LANCL2: variants seen among roughly 807,000 people sequenced by gnomAD.
The protein encoded by LANCL2 is lanC-like protein 2.
LANCL2 carries 33 observed loss-of-function variants against 56.9 expected under a neutral mutation model. The observed-to-expected ratio is 0.58, with a 90% CI of 0.44 to 0.78. The LOEUF (loss-of-function observed/expected upper bound fraction) is 0.78. LANCL2 is among the 30% of genes least tolerant of loss of function. The probability of loss-of-function intolerance (pLI) is 0.00; values close to 1 mark genes in which losing one functional copy is unlikely to be tolerated. For missense variants in LANCL2, 562 were observed against 580.2 expected, an observed-to-expected ratio of 0.97 and a Z score of 0.32; for synonymous variants, 233 against 228.2, an observed-to-expected ratio of 1.02 and a Z score of -0.19.
At chr7:55,398,909 C>T (rs574213237) in intron 3 of LANCL2, among the ~76,000 whole-genome samples, 1 of 152,282 alleles carries the variant, frequency 6.6e-6, no homozygotes, top group South Asian at 2.1e-4. Flanking sequence ...AGCTTACCTG[C>T]TTTAGATTCA....
chr7:55,371,992 T>C (rs1287050423), intron 1 of LANCL2, among the ~76,000 whole-genome samples: 7 of 152,136 alleles, frequency 4.6e-5, no homozygotes, highest in African/African-American at 1.7e-4. Context: ...ACCTAAATCA[T>C]AAGCAGTTCC....
At chr7:55,428,307 C>A in intron 7 of LANCL2, 68 bp from the exon 8 acceptor site, 2 of 1,364,442 alleles carry the variant, frequency 1.5e-6, no homozygotes, top group Admixed American at 1.7e-5. Flanking sequence ...GAAGACATTG[C>A]ATTCTCATTT....
chr7:55,381,934 C>G (rs770128446), intron 1 of LANCL2, among the ~76,000 whole-genome samples: 1 of 152,194 alleles, frequency 6.6e-6, no homozygotes, highest in Non-Finnish European at 1.5e-5. Context: ...CTGGTGCCTT[C>G]TCCAGGCTGA....
chr7:55,390,588 G>C (rs539817157), intron 1 of LANCL2, among the ~76,000 whole-genome samples: 1 of 151,730 alleles, frequency 6.6e-6, no homozygotes, highest in African/African-American at 2.4e-5. Flanking sequence ...CCTGGGTGAC[G>C]AGCGAAACTC....
At chr7:55,417,800 TC>T (rs34825574) in intron 6 of LANCL2, among the ~76,000 whole-genome samples, 50,882 of 151,866 alleles carry the variant, frequency 0.34, 9,117 homozygotes, top group East Asian at 0.52. Context: ...TGCCTCAGCC[TC>T]CTGAGTAGCT....
chr7:55,419,559 G>A (rs1157906474), intron 6 of LANCL2, among the ~76,000 whole-genome samples: 1 of 151,714 alleles, frequency 6.6e-6, no homozygotes, highest in Non-Finnish European at 1.5e-5. Context: ...GAGGTACCAC[G>A]CCTGACTAAT....
chr7:55,418,363 A>G (rs1790568941), intron 6 of LANCL2, among the ~76,000 whole-genome samples: 1 of 151,534 alleles, frequency 6.6e-6, no homozygotes, highest in Non-Finnish European at 1.5e-5. Flanking sequence ...ATTTTTTTGT[A>G]GAGATGGGGT....
chr7:55,425,200 CA>C, intron 6 of LANCL2, 53 bp from the exon 7 acceptor site: 1 of 1,561,950 alleles, frequency 6.4e-7, no homozygotes, highest in East Asian at 2.3e-5. Flanking sequence ...AGTATTTTGC[CA>C]ACTCATCGTT....
chr7:55,369,827 CATGAG>C (rs1789923028), intron 1 of LANCL2, among the ~76,000 whole-genome samples: 1 of 152,118 alleles, frequency 6.6e-6, no homozygotes, highest in African/African-American at 2.4e-5. Flanking sequence ...GAGATTGTCT[CATGAG>C]AAGGAAAGAG....
At chr7:55,423,323 C>T (rs3807358) in intron 6 of LANCL2, among the ~76,000 whole-genome samples, 41,619 of 152,012 alleles carry the variant, frequency 0.27, 6,196 homozygotes, top group Non-Finnish European at 0.33. Context: ...GCCTCGCAGG[C>T]GCAGGGACGG....
At chr7:55,430,772 C>A (rs1340472267) in intron 8 of LANCL2, among the ~76,000 whole-genome samples, 1 of 152,196 alleles carries the variant, frequency 6.6e-6, no homozygotes, top group Non-Finnish European at 1.5e-5. Context: ...TAGTTGAAAA[C>A]CCACTGCTCA....
Position 55,389,693 on chromosome 7 carries a change from A to G in LANCL2, c.205-2100A>G, listed in dbSNP as rs1453748090. Among the ~76,000 whole-genome samples, 3 of 152,328 alleles carry G rather than the reference A, an allele frequency of 2.0e-5. No homozygotes were observed. The East Asian group carries it at 5.8e-4, about 29-fold the overall frequency. On this transcript the variant is annotated intron_variant, in intron 1 of 8. Transcript: ENST00000254770. The stretch of plus-strand genomic sequence containing the variant: ...CCAGTTCTTATCTGTGGTACAATGC[A>G]GTGCAGGTAGGGTATGATGGCCTTC...
chr7:55,412,164 TG>T, intron 6 of LANCL2, 75 bp downstream of exon 6: 1 of 1,385,304 alleles, frequency 7.2e-7, no homozygotes, highest in Non-Finnish European at 1.0e-6. Flanking sequence ...GGTCTTGCTT[TG>T]GTAAGGCCAT....
intron 5 of LANCL2, among the ~76,000 whole-genome samples, chr7:55,405,283 T>A (rs1216323833): frequency 6.6e-6 from 1 of 152,188 alleles, no homozygotes; most frequent in Non-Finnish European, 1.5e-5. Context: ...CCTTTGGTTC[T>A]GTTCAGGCCT....
chr7:55,367,699 T>C (rs1789891354), intron 1 of LANCL2, among the ~76,000 whole-genome samples: 1 of 152,208 alleles, frequency 6.6e-6, no homozygotes, highest in Non-Finnish European at 1.5e-5. Context: ...CACTCCAGCC[T>C]GGGCGACAGA....
In LANCL2 at chr7:55,382,118, A is replaced by G. The variant is rs185958967; in HGVS notation, c.205-9675A>G. Among the ~76,000 whole-genome samples the G allele has an allele frequency of 2.2e-3, 331 of 152,356 alleles. 1 individual carries two copies. Among genetic ancestry groups the G allele is most frequent in the Non-Finnish European group, 3.3e-3 (227 of 68,038 alleles). ...GAGGAGGCATATTCTGCTTTTCTAC[A>G]TAAAAGACACATTTTCAAAAGAAAA... On this transcript the variant is annotated intron_variant, in intron 1 of 8. Transcript: ENST00000254770.
At chr7:55,375,391 A>G (rs1789989583) in intron 1 of LANCL2, among the ~76,000 whole-genome samples, 1 of 152,184 alleles carries the variant, frequency 6.6e-6, no homozygotes, top group South Asian at 2.1e-4. Flanking sequence ...GCATTCTCCT[A>G]AATGCATTTT....
chr7:55,373,679 C>T (rs964339348), intron 1 of LANCL2, among the ~76,000 whole-genome samples: 1 of 152,040 alleles, frequency 6.6e-6, no homozygotes, highest in Non-Finnish European at 1.5e-5. Context: ...CTGAATAAAT[C>T]TATGGAAATT....
chr7:55,426,846 G>A (rs377282677), intron 7 of LANCL2, among the ~76,000 whole-genome samples: 29 of 152,344 alleles, frequency 1.9e-4, no homozygotes, highest in East Asian at 1.2e-3. Flanking sequence ...GCCAGATTCC[G>A]CAGGCCTGGG....
Sources: gnomAD v4.1 joint callset for allele counts (sites outside exome capture counted in the v4.1 genomes callset) on GRCh38, gnomAD v4.1.1 for gene constraint, MANE v1.5 for transcripts, NCBI Gene and HGNC (gene_info 2026-07-23, HGNC 2026-07-21) for gene names.